The following SHTN1 variants were observed in gnomAD, a reference collection of about 807,000 sequenced individuals.
SHTN1 encodes the protein shootin 1, also known as shootin-1.
Under a neutral mutation model 83.1 loss-of-function variants are expected in SHTN1, and 42 were observed. The observed-to-expected ratio is 0.51, with a 90% CI of 0.39 to 0.65. The LOEUF is 0.65. SHTN1 is among the 30% of genes least tolerant of loss of function. SHTN1 has a pLI of 0.00. For missense variants in SHTN1, 622 were observed against 737.8 expected, an observed-to-expected ratio of 0.84 and a Z score of 1.82; for synonymous variants, 224 against 247.7, an observed-to-expected ratio of 0.90 and a Z score of 0.90.
At chr10:117,074,868 G>T (rs375730702) in intron 1 of SHTN1, among the ~76,000 whole-genome samples, 1 of 152,008 alleles carries the variant, frequency 6.6e-6, no homozygotes, top group Admixed American at 6.6e-5. Context: ...TACTCTCTAC[G>T]GCTGAGAGTC....
chr10:116,891,742 A>C (rs953238180), intron 16 of SHTN1, among the ~76,000 whole-genome samples: 1 of 152,082 alleles, frequency 6.6e-6, no homozygotes, highest in East Asian at 1.9e-4. Flanking sequence ...AAAACTTCAC[A>C]AATTTTTAAT....
intron 1 of SHTN1, among the ~76,000 whole-genome samples, chr10:116,979,994 T>G (rs1589864286): frequency 6.6e-6 from 1 of 152,200 alleles, no homozygotes; most frequent in African/African-American, 2.4e-5. Flanking sequence ...GGAAGATATG[T>G]TAAACTGTTT....
At chr10:116,931,904 T>C (rs1460051142) in intron 9 of SHTN1, among the ~76,000 whole-genome samples, 2 of 152,340 alleles carry the variant, frequency 1.3e-5, no homozygotes, top group South Asian at 2.1e-4. Flanking sequence ...GCAAAAACCA[T>C]ATGCTGTGCT....
At chr10:117,110,651 G>A (rs1589936664) in intron 1 of SHTN1, among the ~76,000 whole-genome samples, 4 of 151,800 alleles carry the variant, frequency 2.6e-5, no homozygotes, top group Admixed American at 1.3e-4. Flanking sequence ...GTGAGCCACC[G>A]TACCCAGCTG....
rs772849432 is a variant in SHTN1 at position 116,901,832 on chromosome 10, G to C, written c.1606C>G (p.Pro536Ala). The C allele has an allele frequency of 7.5e-6, 12 of 1,604,338 alleles. No individual in the cohort carries two copies. Among genetic ancestry groups the C allele is most frequent in the Admixed American group, 5.3e-5 (3 of 56,872 alleles). ...LEAEFNSPSP[P>A]TPEPGEGPRK... Reference sequence around the variant, plus strand: ...GGCCCTTCACCTGGCTCAGGTGTTGGGGGGGACGGGCTGTTGAATTCTGCC... The same window carrying C: ...GGCCCTTCACCTGGCTCAGGTGTTGCGGGGGACGGGCTGTTGAATTCTGCC... The change falls in exon 16 of 17, where the codon CCA becomes GCA. Residue 536 changes from proline to alanine, a missense_variant. Around this residue, in one of 3 missense-constraint regions of SHTN1, gnomAD observed 231 missense variants for 251.6 expected, o/e 0.92. Coordinates refer to ENST00000355371, the MANE Select transcript of SHTN1 (RefSeq NM_001127211.3).
In SHTN1 at chr10:116,899,747, A is replaced by G. The variant is rs574241053; in HGVS notation, c.1673+2018T>C. 3.3e-5 allele frequency among the ~76,000 whole-genome samples: 5 copies of G among 152,250 alleles called. No homozygotes were observed. The East Asian group carries it at 9.7e-4, about 29-fold the overall frequency. On this transcript the variant is annotated intron_variant, in intron 16 of 16. Coordinates refer to ENST00000355371, the MANE Select transcript of SHTN1 (RefSeq NM_001127211.3). ...GACAGTTTTTAAAAGCAAAGGAAAT[A>G]CTTTACTTATTAATTGCTGACCCGA...
At chr10:117,065,831 A>AGGAAGGAT (rs1554935552) in intron 1 of SHTN1, among the ~76,000 whole-genome samples, 15 of 86,278 alleles carry the variant, frequency 1.7e-4, no homozygotes, top group African/African-American at 7.0e-4. Context: ...GAAGGAAGGA[A>AGGAAGGAT]GGAAGGAAGG....
chr10:116,888,450 T>C (rs1847230184), intron 16 of SHTN1, among the ~76,000 whole-genome samples: 1 of 152,206 alleles, frequency 6.6e-6, no homozygotes, highest in African/African-American at 2.4e-5. Flanking sequence ...AATCTGCTGC[T>C]TCTGCGTCTG....
chr10:117,102,272 G>A (rs1853605024), intron 1 of SHTN1, among the ~76,000 whole-genome samples: 1 of 152,112 alleles, frequency 6.6e-6, no homozygotes. Context: ...TTAGACTCCT[G>A]CAAACCAAAT....
At position 116,884,560 on chromosome 10, in the gene SHTN1, G is replaced by A. The variant is rs1427130990; in HGVS notation, c.*1784C>T. On this transcript the variant is annotated 3_prime_UTR_variant, in exon 17 of 17. Transcript: ENST00000355371. Reference sequence around the variant, plus strand: ...ATTCTGTGATGGTGTGATGAAATATGGAAAGACAGTGTACATATTTTTATA... The same window carrying A: ...ATTCTGTGATGGTGTGATGAAATATAGAAAGACAGTGTACATATTTTTATA... The A allele has an allele frequency of 1.1e-5, 3 of 271,638 alleles. No homozygotes were observed. Among genetic ancestry groups the A allele is most frequent in the Non-Finnish European group, 2.2e-5 (3 of 135,248 alleles). 16.8% of individuals were successfully genotyped at this position (271,638 alleles called of 1,614,324 possible).
chr10:117,000,169 A>G (rs1851775463), intron 1 of SHTN1, among the ~76,000 whole-genome samples: 1 of 152,192 alleles, frequency 6.6e-6, no homozygotes, highest in Non-Finnish European at 1.5e-5. Context: ...AAAACAAGGC[A>G]ACATTTAATT....
At chr10:117,024,102 C>CTGAA (rs58697332) in intron 2 of SHTN1, among the ~76,000 whole-genome samples, 147,490 of 152,050 alleles carry the variant, frequency 0.97, 71,704 homozygotes, top group Non-Finnish European at 1. Flanking sequence ...GTCAGGCACT[C>CTGAA]TGAATTTTTT....
At chr10:117,055,744 A>G (rs1348007751) in intron 1 of SHTN1, among the ~76,000 whole-genome samples, 1 of 152,162 alleles carries the variant, frequency 6.6e-6, no homozygotes, top group East Asian at 1.9e-4. Flanking sequence ...GGTATGCATC[A>G]GTAGTCCTAG....
chr10:116,933,937 CAT>C (rs1287562609), intron 9 of SHTN1, among the ~76,000 whole-genome samples: 3 of 152,092 alleles, frequency 2.0e-5, no homozygotes, highest in East Asian at 1.9e-4. Flanking sequence ...AGCTTTTTTT[CAT>C]ATGTTTGTTG....
chr10:117,060,398 T>C (rs1852882474), intron 1 of SHTN1, among the ~76,000 whole-genome samples: 1 of 152,176 alleles, frequency 6.6e-6, no homozygotes. Context: ...GGGAAGCTCT[T>C]TGTGGGTCTT....
chr10:116,954,599 ATC>A (rs1046295829), intron 4 of SHTN1, among the ~76,000 whole-genome samples: 7 of 152,126 alleles, frequency 4.6e-5, no homozygotes, highest in African/African-American at 1.7e-4. Flanking sequence ...TTTGCCTAAC[ATC>A]TCTCTTTTCT....
chr10:116,942,501 C>A (rs971427447), intron 8 of SHTN1, among the ~76,000 whole-genome samples: 4 of 152,002 alleles, frequency 2.6e-5, no homozygotes, highest in African/African-American at 7.3e-5. Context: ...ACGTGAGCCA[C>A]CATGCCTGGT....
At chr10:117,016,510 G>C (rs1057269108) in intron 2 of SHTN1, among the ~76,000 whole-genome samples, 1 of 152,166 alleles carries the variant, frequency 6.6e-6, no homozygotes. Context: ...GGCTTCAAGC[G>C]ATTTTCCAGA....
intron 2 of SHTN1, among the ~76,000 whole-genome samples, chr10:116,970,496 A>G (rs1054415610): frequency 6.6e-6 from 1 of 152,154 alleles, no homozygotes; most frequent in Non-Finnish European, 1.5e-5. Context: ...CAGGCGGATC[A>G]TGAGGTCAAG....
Sources: gnomAD v4.1 joint callset for allele counts (sites outside exome capture counted in the v4.1 genomes callset) on GRCh38, gnomAD v4.1.1 for gene constraint, gnomAD v4.1.1 regional missense constraint, MANE v1.5 for transcripts, NCBI Gene and HGNC (gene_info 2026-07-23, HGNC 2026-07-21) for gene names.